Variants in EPHA6 observed in about 807,000 individuals in gnomAD.
EPHA6 encodes the protein EPH receptor A6.
Under a neutral mutation model 112.0 loss-of-function variants are expected in EPHA6, and 50 were observed. That is an observed-to-expected ratio of 0.45 (90% CI 0.36 to 0.56). The LOEUF (loss-of-function observed/expected upper bound fraction) is 0.56, where lower values mean the gene tolerates loss of function less well. Ranked by LOEUF, EPHA6 falls within the 20% of genes least tolerant of loss-of-function variation. EPHA6 has a pLI of 0.00. For synonymous variants in EPHA6, 529 were observed against 490.7 expected (o/e 1.08, Z -1.03); for missense variants, 1,280 against 1,417.4 (o/e 0.90, Z 1.56).
intron 13 of EPHA6, among the ~76,000 whole-genome samples, chr3:97,613,822 G>A (rs2093740590): frequency 6.6e-6 from 1 of 152,182 alleles, no homozygotes; most frequent in Admixed American, 6.5e-5. Flanking sequence ...TTTGGGGATA[G>A]TGGTCAAGGT....
intron 2 of EPHA6, among the ~76,000 whole-genome samples, chr3:96,887,120 G>A (rs2037672157): frequency 6.6e-6 from 1 of 152,080 alleles, no homozygotes; most frequent in African/African-American, 2.4e-5. Context: ...ATCCCTTGCT[G>A]CTGAACTAGT....
chr3:96,823,718 A>C (rs1332962630), intron 1 of EPHA6, among the ~76,000 whole-genome samples: 1 of 151,840 alleles, frequency 6.6e-6, no homozygotes. Context: ...TTAATGCCTC[A>C]TCAAAAAATA....
chr3:97,279,139 C>G (rs1198274991), intron 5 of EPHA6, among the ~76,000 whole-genome samples: 1 of 152,032 alleles, frequency 6.6e-6, no homozygotes, highest in Non-Finnish European at 1.5e-5. Flanking sequence ...TGGGAACATA[C>G]AAATTACTAA....
chr3:96,954,535 C>T (rs924132630), intron 2 of EPHA6, among the ~76,000 whole-genome samples: 4 of 152,108 alleles, frequency 2.6e-5, no homozygotes, highest in African/African-American at 9.7e-5. Context: ...GTGGCTTGCA[C>T]CTCAGTCAGG....
chr3:97,568,433 C>A (rs999059603), intron 11 of EPHA6, among the ~76,000 whole-genome samples: 4 of 152,144 alleles, frequency 2.6e-5, no homozygotes, highest in African/African-American at 9.7e-5. Context: ...AGTCCAAGTT[C>A]TTTGGCAGAA....
intron 4 of EPHA6, among the ~76,000 whole-genome samples, chr3:97,236,847 A>G (rs1268147478): frequency 6.6e-6 from 1 of 152,048 alleles, no homozygotes; most frequent in Non-Finnish European, 1.5e-5. Context: ...ATGGTGGTTG[A>G]GATGTAGTTG....
chr3:97,298,752 A>G (rs1404927875), intron 5 of EPHA6, among the ~76,000 whole-genome samples: 1 of 152,126 alleles, frequency 6.6e-6, no homozygotes, highest in Non-Finnish European at 1.5e-5. Context: ...ACACACATAT[A>G]TATTGAAAGG....
chr3:96,941,592 T>C (rs768244672), intron 2 of EPHA6, among the ~76,000 whole-genome samples: 1 of 152,242 alleles, frequency 6.6e-6, no homozygotes, highest in Non-Finnish European at 1.5e-5. Context: ...CCTTCTTCTC[T>C]CAACTCGTCA....
At chr3:97,432,328 T>C (rs1257248072) in intron 6 of EPHA6, among the ~76,000 whole-genome samples, 1 of 152,200 alleles carries the variant, frequency 6.6e-6, no homozygotes, top group Admixed American at 6.6e-5. Flanking sequence ...CAAATATCTA[T>C]TTAATTACGT....
chr3:97,508,313 C>G (rs151011953), intron 10 of EPHA6, among the ~76,000 whole-genome samples: 2 of 152,012 alleles, frequency 1.3e-5, no homozygotes, highest in African/African-American at 4.8e-5. Flanking sequence ...GCTATAAATT[C>G]CCCTCTAAAC....
In EPHA6 at chr3:97,555,646, G is replaced by A. The variant is rs2093096059; in HGVS notation, c.2386+23103G>A. Reference sequence around the variant, plus strand: ...AACTGGTGTGAGATTGTATCTCATTGTGGTTTTGATTTGCATTTCTCTGAT... The same window carrying A: ...AACTGGTGTGAGATTGTATCTCATTATGGTTTTGATTTGCATTTCTCTGAT... On this transcript the variant is annotated intron_variant, in intron 11 of 17. Coordinates refer to ENST00000389672, the MANE Select transcript of EPHA6 (RefSeq NM_001080448.3). Among the ~76,000 whole-genome samples the A allele has an allele frequency of 3.3e-5, 5 of 152,260 alleles. No individual in the cohort carries two copies. In the South Asian group the frequency reaches 1.0e-3, roughly 32 times the overall value.
At chr3:97,745,265 G>A in intron 16 of EPHA6, 1 of 366,932 alleles carries the variant, frequency 2.7e-6, no homozygotes, top group East Asian at 8.6e-5. Flanking sequence ...ACACCTCTAG[G>A]AAACTTTGAA....
chr3:97,572,147 C>CAT (rs1378784699), intron 11 of EPHA6, among the ~76,000 whole-genome samples: 1 of 128,368 alleles, frequency 7.8e-6, no homozygotes, highest in East Asian at 2.2e-4. Flanking sequence ...ATCTCTTTTC[C>CAT]TTTTTTTTTT....
intron 5 of EPHA6, among the ~76,000 whole-genome samples, chr3:97,264,910 A>G (rs148641841): frequency 6.6e-6 from 1 of 152,264 alleles, no homozygotes; most frequent in African/African-American, 2.4e-5. Context: ...TAGGCAGGTC[A>G]TCCCAAAGAG....
chr3:97,205,417 G>C (rs28470650), intron 3 of EPHA6, among the ~76,000 whole-genome samples: 1 of 151,606 alleles, frequency 6.6e-6, no homozygotes, highest in Non-Finnish European at 1.5e-5. Context: ...TTTTAAATTC[G>C]ATTTTTTGGG....
rs574450437 is a variant in EPHA6, at chr3:97,022,401, T to C, written c.1114+34408T>C. ...TATAACTTTTCAGCTACTTGAGTTA[T>C]TAGTTTATTTCATTATTTATTGATT... On this transcript the variant is annotated intron_variant, in intron 3 of 17. Coordinates refer to ENST00000389672, the MANE Select transcript of EPHA6 (RefSeq NM_001080448.3). Among the ~76,000 whole-genome samples, 7 of 152,318 alleles carry C rather than the reference T, an allele frequency of 4.6e-5. No homozygotes were observed. The South Asian group carries it at 6.2e-4, about 14-fold the overall frequency.
chr3:97,475,543 A>G (rs1012418911), intron 8 of EPHA6, 83 bp downstream of exon 8: 2 of 967,628 alleles, frequency 2.1e-6, no homozygotes, highest in Non-Finnish European at 3.1e-6. Context: ...GCTTTTAGAT[A>G]TAACAAAGCA....
chr3:97,263,639 AG>A (rs1350395633), intron 5 of EPHA6, among the ~76,000 whole-genome samples: 1 of 152,122 alleles, frequency 6.6e-6, no homozygotes, highest in African/African-American at 2.4e-5. Context: ...TGCTTATAAA[AG>A]TTTAGAATAA....
At chr3:96,859,370 C>T (rs1406692993) in intron 1 of EPHA6, among the ~76,000 whole-genome samples, 1 of 148,952 alleles carries the variant, frequency 6.7e-6, no homozygotes, top group Non-Finnish European at 1.5e-5. Context: ...GTGTTTACCT[C>T]TGATAATGGT....
Sources: allele counts gnomAD v4.1 joint callset (sites outside exome capture counted in the v4.1 genomes callset), GRCh38; gene constraint gnomAD v4.1.1; transcripts MANE v1.5; gene names NCBI Gene and HGNC (gene_info 2026-07-23, HGNC 2026-07-21).